The following SMARCC1 variants were observed in gnomAD, a reference collection of about 807,000 sequenced individuals.
SMARCC1 encodes SWI/SNF complex subunit SMARCC1.
SMARCC1 carries 43 observed loss-of-function variants against 147.4 expected under a neutral mutation model. That is an observed-to-expected ratio of 0.29 (90% CI 0.23 to 0.38). The LOEUF (loss-of-function observed/expected upper bound fraction) is 0.38. SMARCC1 is among the 10% of genes least tolerant of loss of function. The pLI is 1.00. For synonymous variants in SMARCC1, 495 were observed against 484.4 expected, an observed-to-expected ratio of 1.02 and a Z score of -0.29; for missense variants, 1,119 against 1,381.1, an observed-to-expected ratio of 0.81 and a Z score of 3.01.
At chr3:47,658,815 A>G (rs1380783495) in intron 21 of SMARCC1, among the ~76,000 whole-genome samples, 2 of 152,174 alleles carry the variant, frequency 1.3e-5, no homozygotes, top group Admixed American at 1.3e-4. Context: ...TCTTGGTAGA[A>G]TTATAACAAG....
At chr3:47,734,110 C>T (rs566946585) in intron 5 of SMARCC1, among the ~76,000 whole-genome samples, 11 of 151,912 alleles carry the variant, frequency 7.2e-5, no homozygotes, top group Admixed American at 4.6e-4. Flanking sequence ...CCAGTATGAC[C>T]CGGTGACAAA....
intron 7 of SMARCC1, among the ~76,000 whole-genome samples, chr3:47,715,127 A>G (rs1040969217): frequency 6.6e-6 from 1 of 152,268 alleles, no homozygotes; most frequent in East Asian, 1.9e-4. Flanking sequence ...TCCTGGGTTC[A>G]GTTTTTGGAA....
At chr3:47,706,247 T>C (rs1224150937) in intron 10 of SMARCC1, among the ~76,000 whole-genome samples, 162 bp downstream of exon 10, 2 of 152,154 alleles carry the variant, frequency 1.3e-5, no homozygotes, top group Admixed American at 6.5e-5. Flanking sequence ...AATTTTTATA[T>C]TTTTAGTAGA....
chr3:47,764,136 C>G (rs1576435278), intron 2 of SMARCC1, among the ~76,000 whole-genome samples: 1 of 152,248 alleles, frequency 6.6e-6, no homozygotes, highest in Non-Finnish European at 1.5e-5. Flanking sequence ...CTCCTGGGAT[C>G]AAGTGATCCT....
intron 26 of SMARCC1, among the ~76,000 whole-genome samples, chr3:47,602,959 G>T (rs761874529): frequency 8.5e-5 from 13 of 152,102 alleles, no homozygotes; most frequent in African/African-American, 1.2e-4. Context: ...AGACCAACCT[G>T]GGCAACATAG....
chr3:47,734,263 G>A (rs676220), intron 5 of SMARCC1, among the ~76,000 whole-genome samples: 1 of 152,072 alleles, frequency 6.6e-6, no homozygotes, highest in African/African-American at 2.4e-5. Flanking sequence ...GATGTTTAAG[G>A]AATCTGTTCA....
chr3:47,638,997 G>C (rs2033012136), intron 21 of SMARCC1, among the ~76,000 whole-genome samples: 1 of 152,198 alleles, frequency 6.6e-6, no homozygotes, highest in African/African-American at 2.4e-5. Flanking sequence ...TCAGCACTCA[G>C]AACAGTGGTT....
intron 25 of SMARCC1, among the ~76,000 whole-genome samples, chr3:47,611,775 A>C (rs981176141): frequency 1.3e-5 from 2 of 152,352 alleles, no homozygotes; most frequent in Non-Finnish European, 2.9e-5. Flanking sequence ...TGGTTATAGG[A>C]GTAGCAACTG....
At chr3:47,683,144 G>A (rs962291056) in intron 14 of SMARCC1, among the ~76,000 whole-genome samples, 21 of 152,158 alleles carry the variant, frequency 1.4e-4, no homozygotes, top group African/African-American at 1.4e-4. Context: ...CCGGGTTCAC[G>A]CCATTCTCCT....
At chr3:47,625,877 C>T (rs2106689935) in intron 24 of SMARCC1, among the ~76,000 whole-genome samples, 1 of 152,036 alleles carries the variant, frequency 6.6e-6, no homozygotes, top group South Asian at 2.1e-4. Flanking sequence ...TGAAAAGAGG[C>T]CAGGCGCAGT....
intron 6 of SMARCC1, among the ~76,000 whole-genome samples, chr3:47,725,148 TA>T (rs2034283633): frequency 6.7e-6 from 1 of 148,264 alleles, no homozygotes; most frequent in South Asian, 2.1e-4. Context: ...TTTACCACAA[TA>T]AAAAAGGAAT....
chr3:47,652,884 C>T (rs1456896393), intron 21 of SMARCC1, among the ~76,000 whole-genome samples: 3 of 151,886 alleles, frequency 2.0e-5, no homozygotes, highest in Non-Finnish European at 2.9e-5. Flanking sequence ...CTAAATAATT[C>T]CTATGGGAAA....
chr3:47,671,585 G>T (rs1165162995), intron 18 of SMARCC1, among the ~76,000 whole-genome samples: 1 of 152,174 alleles, frequency 6.6e-6, no homozygotes, highest in African/African-American at 2.4e-5. Context: ...TATGATTCAT[G>T]TGACGATGTG....
intron 26 of SMARCC1, chr3:47,603,547 T>A (rs1477355238): frequency 6.3e-6 from 1 of 159,162 alleles, no homozygotes; most frequent in African/African-American, 2.4e-5. Context: ...CCCCATGTGC[T>A]TTCATATTAA....
At position 47,635,296 on chromosome 3, in the gene SMARCC1, T is replaced by C. The variant is rs2106702281; in HGVS notation, c.2540A>G (p.Glu847Gly). 6.2e-7 allele frequency: 1 copy of C among 1,613,098 alleles called. No homozygotes were observed. The highest frequency in any genetic ancestry group is 8.5e-7 in the Non-Finnish European group (1 of 1,179,486). The change falls in exon 24 of 28, where the codon GAA (glutamate) becomes GGA (glycine). Residue 847 changes from glutamate to glycine, a missense_variant. Physicochemically the swap from Glu to Gly is moderately conservative, Grantham distance 98 (BLOSUM62 -2). Around this residue, in one of 6 missense-constraint regions of SMARCC1, gnomAD observed 157 missense variants for 158.6 expected, o/e 0.99. Coordinates refer to ENST00000254480, the MANE Select transcript of SMARCC1 (RefSeq NM_003074.4). The stretch of plus-strand genomic sequence containing the variant: ...CTTCTTCCCAGTATCACTTTCTCTT[T>C]CTTTACATGTATCAGTGAGTTCTTT... ...ENKELTDTCK[E>G]RESDTGKKKV...
At chr3:47,706,617 C>A in intron 9 of SMARCC1, 87 bp from the exon 10 acceptor site, 1 of 1,198,154 alleles carries the variant, frequency 8.3e-7, no homozygotes, top group East Asian at 3.0e-5. Flanking sequence ...TCTCCACACA[C>A]AAAGACAACA....
chr3:47,779,434 C>T (rs2035016097), intron 1 of SMARCC1, among the ~76,000 whole-genome samples: 2 of 152,154 alleles, frequency 1.3e-5, no homozygotes, highest in Non-Finnish European at 2.9e-5. Flanking sequence ...ACCACTTCAA[C>T]GCTAACACCC....
At chr3:47,625,336 G>A (rs1432096490) in intron 24 of SMARCC1, among the ~76,000 whole-genome samples, 1 of 151,672 alleles carries the variant, frequency 6.6e-6, no homozygotes, top group African/African-American at 2.4e-5. Flanking sequence ...AAAAAGAAAG[G>A]AAAAAAAGAA....
At chr3:47,755,216 A>C (rs950857020) in intron 2 of SMARCC1, among the ~76,000 whole-genome samples, 3 of 151,938 alleles carry the variant, frequency 2.0e-5, no homozygotes, top group African/African-American at 7.3e-5. Context: ...AACTAAATTA[A>C]TTAAGGGCGG....
Sources: gnomAD v4.1 joint callset for allele counts (sites outside exome capture counted in the v4.1 genomes callset) on GRCh38, gnomAD v4.1.1 for gene constraint, gnomAD v4.1.1 regional missense constraint, MANE v1.5 for transcripts, NCBI Gene and HGNC (gene_info 2026-07-23, HGNC 2026-07-21) for gene names.